Variants in CRYGD observed in about 807,000 individuals in gnomAD.
The protein encoded by CRYGD is gamma-crystallin D.
In CRYGD, 13 loss-of-function variants were observed where a neutral mutation model predicts 11.3. The observed-to-expected ratio is 1.15, with a 90% CI of 0.75 to 1.83. The LOEUF (loss-of-function observed/expected upper bound fraction) is 1.83. Ranked by LOEUF, CRYGD falls within the 40% of genes most tolerant of loss-of-function variation. The pLI is 0.00. For missense variants in CRYGD, 231 were observed against 229.9 expected (o/e 1.00, Z -0.03); for synonymous variants, 77 against 89.5 (o/e 0.86, Z 0.79).
chr2:208,124,400 T>TGCCCCA, intron 1 of CRYGD, 46 bp from the exon 2 acceptor site: 1 of 1,605,698 alleles, frequency 6.2e-7, no homozygotes, highest in Middle Eastern at 1.7e-4. Context: ...GGCCTGCTCC[T>TGCCCCA]GCCCCAGTCT....
intron 2 of CRYGD, 79 bp downstream of exon 2, chr2:208,124,033 C>A: frequency 1.3e-6 from 2 of 1,597,490 alleles, no homozygotes; most frequent in South Asian, 2.2e-5. Context: ...CTGATCACTA[C>A]TTCTAATGTT....
At position 208,121,800 on chromosome 2, in the gene CRYGD, A is replaced by G; in HGVS notation, c.398T>C (p.Leu133Pro). The G allele has an allele frequency of 6.2e-7, 1 of 1,614,210 alleles. No individual in the cohort carries two copies. Residue 133 changes from leucine (L) to proline (P), a missense_variant, in exon 3 of 3, where the codon CTC (leucine) becomes CCC (proline). Physicochemically the swap from Leu to Pro is moderately conservative, Grantham distance 98 (BLOSUM62 -3). Coordinates refer to ENST00000264376, the MANE Select transcript of CRYGD (RefSeq NM_006891.4). ...SLNVLEGSWV[L>P]YELSNYRGRQ... is the part of the protein sequence containing the mutation. ...TCCTCGGTAGTTGGACAGCTCGTAGAGGACCCAGGAGCCCTCCAGCACGTT... is the reference window on the plus strand; with the variant it reads ...TCCTCGGTAGTTGGACAGCTCGTAGGGGACCCAGGAGCCCTCCAGCACGTT...
At chr2:208,122,064 T>C (rs1694875758) in intron 2 of CRYGD, 119 bp from the exon 3 acceptor site, 3 of 1,400,826 alleles carry the variant, frequency 2.1e-6, no homozygotes, top group South Asian at 2.4e-5. Flanking sequence ...ATGGTAAAAT[T>C]TAATTAATTC....
intron 2 of CRYGD, among the ~76,000 whole-genome samples, chr2:208,122,213 G>C (rs1694878263): frequency 2.0e-5 from 3 of 151,796 alleles, no homozygotes; most frequent in African/African-American, 7.3e-5. Context: ...TGCCTCCTAG[G>C]CTCAGTATCC....
chr2:208,122,221 T>C (rs1187562210), intron 2 of CRYGD, among the ~76,000 whole-genome samples: 1 of 151,972 alleles, frequency 6.6e-6, no homozygotes, highest in East Asian at 1.9e-4. Flanking sequence ...AGGCTCAGTA[T>C]CCTGTACCAC....
Position 208,124,093 on chromosome 2 carries a change from G to A in CRYGD, c.252+19C>T. 6.2e-7 allele frequency: 1 copy of A among 1,611,692 alleles called. No homozygotes were observed. On this transcript the variant is annotated intron_variant, in intron 2 of 2. Transcript: ENST00000264376. ...TGAGTGTCCTGAGGGCCTGGGTCCT[G>A]ACTTGAGGATGTACTCACGTGGGGG...
rs1295516071 is a variant in CRYGD at position 208,121,904 on chromosome 2, G to A, written c.294C>T (p.Tyr98=). The A allele has an allele frequency of 6.2e-7, 1 of 1,614,048 alleles. No individual in the cohort carries two copies. The highest frequency in any genetic ancestry group is 8.5e-7 in the Non-Finnish European group (1 of 1,180,032). The change falls in exon 3 of 3, where the codon TAC becomes TAT. Residue 98 remains tyrosine, a synonymous_variant. Coordinates refer to ENST00000264376, the MANE Select transcript of CRYGD (RefSeq NM_006891.4). The part of the protein sequence containing the change: ...HRIRLYERED[Y]RGQMIEFTED... ...CAGTGAACTCTATCATCTGGCCTCTGTAGTCCTCTCTCTCATAGAGTCTGA... is the reference window on the plus strand; with the variant it reads ...CAGTGAACTCTATCATCTGGCCTCTATAGTCCTCTCTCTCATAGAGTCTGA...
intron 2 of CRYGD, among the ~76,000 whole-genome samples, chr2:208,122,629 G>T (rs563882109): frequency 6.6e-6 from 1 of 150,490 alleles, no homozygotes; most frequent in South Asian, 2.1e-4. Flanking sequence ...CTGGGAAGCC[G>T]AGGCAGGTGG....
rs762126299 is a variant in CRYGD at position 208,121,849 on chromosome 2, G to A, written c.349C>T (p.Arg117Cys). 8.1e-6 allele frequency: 13 copies of A among 1,614,050 alleles called. No homozygotes were observed. The highest frequency in any genetic ancestry group is 4.5e-5 in the East Asian group (2 of 44,896). The change falls in exon 3 of 3, where the codon CGC becomes TGC. Residue 117 changes from arginine to cysteine, a missense_variant. Transcript: ENST00000264376. ...EDCSCLQDRF[R>C]FNEIHSLNVL... ...TTGAGGGAGTGGATTTCATTGAAGCGGAAGCGGTCCTGAAGACAGGAGCAG... is the reference window on the plus strand; with the variant it reads ...TTGAGGGAGTGGATTTCATTGAAGCAGAAGCGGTCCTGAAGACAGGAGCAG...
intron 2 of CRYGD, among the ~76,000 whole-genome samples, chr2:208,122,273 C>T (rs2105851934): frequency 6.6e-6 from 1 of 150,970 alleles, no homozygotes; most frequent in South Asian, 2.1e-4. Flanking sequence ...TATTTTATAC[C>T]ATTTTGAAGA....
rs759342711 is a variant in CRYGD, at chr2:208,121,887, T to C, written c.311A>G (p.Glu104Gly). 3 of 1,614,032 alleles carry C rather than the reference T, an allele frequency of 1.9e-6. No homozygotes were observed. Among genetic ancestry groups the C allele is most frequent in the African/African-American group, 2.7e-5 (2 of 74,910 alleles). ...AAGACAGGAGCAGTCCTCAGTGAAC[T>C]CTATCATCTGGCCTCTGTAGTCCTC... ...EREDYRGQMI[E>G]FTEDCSCLQD... is the part of the protein sequence containing the mutation. Residue 104 changes from glutamate to glycine, a missense_variant, in exon 3 of 3, where the codon GAG becomes GGG. Transcript: ENST00000264376.
At position 208,121,798 on chromosome 2, in the gene CRYGD, A is replaced by C; in HGVS notation, c.400T>G (p.Tyr134Asp). The change falls in exon 3 of 3, where the codon TAC becomes GAC. Residue 134 changes from tyrosine to aspartate, a missense_variant. By Grantham distance (160) the Tyr-to-Asp change is radical. Transcript: ENST00000264376. ...CGTCCTCGGTAGTTGGACAGCTCGT[A>C]GAGGACCCAGGAGCCCTCCAGCACG... ...LNVLEGSWVL[Y>D]ELSNYRGRQY... The C allele has an allele frequency of 4.3e-6, 7 of 1,614,182 alleles. No homozygotes were observed. The highest frequency in any genetic ancestry group is 5.9e-6 in the Non-Finnish European group (7 of 1,180,036).
chr2:208,122,439 A>T (rs1413431028), intron 2 of CRYGD, among the ~76,000 whole-genome samples: 2 of 147,778 alleles, frequency 1.4e-5, no homozygotes, highest in Non-Finnish European at 3.0e-5. Context: ...TTTAAAGTTA[A>T]TCATATTTTA....
chr2:208,123,766 A>C (rs1043016070), intron 2 of CRYGD, among the ~76,000 whole-genome samples: 1 of 152,250 alleles, frequency 6.6e-6, no homozygotes, highest in African/African-American at 2.4e-5. Flanking sequence ...CTGTTTGCTC[A>C]GTAACTGCTG....
In CRYGD at chr2:208,124,224, T is replaced by C; in HGVS notation, c.140A>G (p.Glu47Gly). The C allele has an allele frequency of 6.2e-7, 1 of 1,612,134 alleles. No individual in the cohort carries two copies. The highest frequency in any genetic ancestry group is 8.5e-7 in the Non-Finnish European group (1 of 1,179,834). The change falls in exon 2 of 3, where the codon GAG becomes GGG. Residue 47 changes from glutamate (E) to glycine (G), a missense_variant. Glu to Gly is a moderately conservative substitution (Grantham distance 98). Coordinates refer to ENST00000264376, the MANE Select transcript of CRYGD (RefSeq NM_006891.4). The stretch of plus-strand genomic sequence containing the variant: ...CTGGAGGCCCGAGTAGTTGGGCTGC[T>C]CATAGAGCATCCAGCAGCCGCTGTC... ...RVDSGCWMLY[E>G]QPNYSGLQYF...
intron 2 of CRYGD, among the ~76,000 whole-genome samples, chr2:208,123,094 A>G (rs1186969306): frequency 6.8e-6 from 1 of 147,948 alleles, no homozygotes; most frequent in Non-Finnish European, 1.5e-5. Flanking sequence ...ACAAAAATAT[A>G]TATATACACA....
chr2:208,123,946 C>A (rs1301655089), intron 2 of CRYGD, among the ~76,000 whole-genome samples, 166 bp downstream of exon 2: 1 of 152,198 alleles, frequency 6.6e-6, no homozygotes, highest in African/African-American at 2.4e-5. Context: ...CTGGGTAATA[C>A]TTTGCTTATG....
intron 2 of CRYGD, among the ~76,000 whole-genome samples, chr2:208,122,386 C>T (rs971271908): frequency 2.7e-5 from 4 of 146,600 alleles, no homozygotes; most frequent in Non-Finnish European, 6.0e-5. Context: ...TAATTATATA[C>T]TATATTTAAA....
intron 2 of CRYGD, among the ~76,000 whole-genome samples, chr2:208,122,987 A>C (rs1297148620): frequency 6.6e-6 from 1 of 150,530 alleles, no homozygotes; most frequent in Non-Finnish European, 1.5e-5. Flanking sequence ...TGAATCCAGG[A>C]GGCGGAGGTT....
Sources: gnomAD v4.1 joint callset for allele counts (sites outside exome capture counted in the v4.1 genomes callset) on GRCh38, gnomAD v4.1.1 for gene constraint, MANE v1.5 for transcripts, NCBI Gene and HGNC (gene_info 2026-07-23, HGNC 2026-07-21) for gene names.